Variants in CALN1 observed in about 807,000 individuals in gnomAD.
CALN1 encodes calneuron 1.
Under a neutral mutation model 30.6 loss-of-function variants are expected in CALN1, and 17 were observed. The observed-to-expected ratio is 0.56, with a 90% CI of 0.38 to 0.83. The LOEUF (loss-of-function observed/expected upper bound fraction) is 0.83, where lower values mean the gene tolerates loss of function less well. CALN1 is among the 40% of genes least tolerant of loss of function. The pLI is 0.00. For missense variants in CALN1, 291 were observed against 354.9 expected (o/e 0.82, Z 1.45); for synonymous variants, 156 against 131.4 (o/e 1.19, Z -1.28).
chr7:72,112,478 A>G (rs971256482), intron 3 of CALN1, among the ~76,000 whole-genome samples: 2 of 152,192 alleles, frequency 1.3e-5, no homozygotes, highest in African/African-American at 4.8e-5. Context: ...AGACACTGCA[A>G]AACTGGAGAA....
chr7:72,345,413 G>GAGAAAGAAAGGAA (rs10681683), intron 2 of CALN1, among the ~76,000 whole-genome samples: 1 of 143,948 alleles, frequency 6.9e-6, no homozygotes, highest in Admixed American at 7.4e-5. Flanking sequence ...AAAGAAAGAA[G>GAGAAAGAAAGGAA]AGAAAGGAAA....
intron 2 of CALN1, among the ~76,000 whole-genome samples, chr7:72,397,500 A>G (rs965150828): frequency 6.6e-6 from 1 of 152,170 alleles, no homozygotes; most frequent in African/African-American, 2.4e-5. Context: ...ATAAGAATGA[A>G]TAAGCTGCTA....
intron 5 of CALN1, among the ~76,000 whole-genome samples, chr7:71,861,844 CT>C (rs1251254741): frequency 6.7e-6 from 1 of 148,688 alleles, no homozygotes; most frequent in African/African-American, 2.5e-5. Context: ...GGGTTTCCTG[CT>C]TTAAGGACTT....
chr7:72,235,736 T>C (rs967543727), intron 3 of CALN1, among the ~76,000 whole-genome samples: 1 of 151,144 alleles, frequency 6.6e-6, no homozygotes, highest in Non-Finnish European at 1.5e-5. Flanking sequence ...ATGTTGTTAT[T>C]AAGCCTGTCA....
At chr7:72,005,394 T>C (rs922767146) in intron 5 of CALN1, among the ~76,000 whole-genome samples, 9 of 152,166 alleles carry the variant, frequency 5.9e-5, no homozygotes, top group African/African-American at 1.7e-4. Flanking sequence ...AGTGGCGTGA[T>C]CACGGCTCAC....
At chr7:72,226,558 T>C (rs1793692283) in intron 3 of CALN1, among the ~76,000 whole-genome samples, 2 of 152,220 alleles carry the variant, frequency 1.3e-5, no homozygotes, top group Non-Finnish European at 2.9e-5. Flanking sequence ...GAAGGTCAGC[T>C]TTCGCTATCC....
chr7:72,299,688 TC>T (rs1799118799), intron 2 of CALN1, among the ~76,000 whole-genome samples: 1 of 118,288 alleles, frequency 8.5e-6, no homozygotes, highest in Non-Finnish European at 1.6e-5. Context: ...GATGCTCTTA[TC>T]TTTTTTTTTT....
At chr7:72,013,088 G>GT (rs1037708128) in intron 5 of CALN1, among the ~76,000 whole-genome samples, 1 of 151,996 alleles carries the variant, frequency 6.6e-6, no homozygotes, top group Non-Finnish European at 1.5e-5. Flanking sequence ...ATGAGCCACT[G>GT]TACCCGGCCG....
intron 5 of CALN1, among the ~76,000 whole-genome samples, chr7:72,001,225 G>C (rs1799513438): frequency 6.6e-6 from 1 of 151,666 alleles, no homozygotes; most frequent in Admixed American, 6.6e-5. Context: ...CTAAGTAACA[G>C]TAATTGGTTG....
chr7:72,239,755 C>A (rs1027615918), intron 3 of CALN1, among the ~76,000 whole-genome samples: 2 of 152,136 alleles, frequency 1.3e-5, no homozygotes, highest in Admixed American at 1.3e-4. Context: ...GTAGCTCCTA[C>A]ATGTGCCCTC....
intron 2 of CALN1, among the ~76,000 whole-genome samples, chr7:72,327,883 C>A (rs1291994814): frequency 6.6e-6 from 1 of 152,120 alleles, no homozygotes; most frequent in Non-Finnish European, 1.5e-5. Context: ...AAAAAAAGGT[C>A]ATCTTGGTTT....
At chr7:72,156,555 G>A (rs1787694871) in intron 3 of CALN1, among the ~76,000 whole-genome samples, 1 of 152,184 alleles carries the variant, frequency 6.6e-6, no homozygotes, top group Admixed American at 6.5e-5. Flanking sequence ...CTGGAAGCCA[G>A]CACAGAGCCA....
chr7:71,932,740 C>T lies in CALN1; in HGVS notation c.501+90917G>A, dbSNP rs539449356. ...CTGAGGCAGGAGAATGGCATGAACCCGGGAGGCGGAGCTTACAGTGAGCCG... is the reference window on the plus strand; with the variant it reads ...CTGAGGCAGGAGAATGGCATGAACCTGGGAGGCGGAGCTTACAGTGAGCCG... On this transcript the variant is annotated intron_variant, in intron 5 of 6. Transcript: ENST00000395275. Among the ~76,000 whole-genome samples the T allele has an allele frequency of 5.0e-3, 747 of 148,044 alleles. 1 individual carries two copies. The highest frequency in any genetic ancestry group is 8.4e-3 in the Non-Finnish European group (570 of 67,546).
intron 2 of CALN1, among the ~76,000 whole-genome samples, chr7:72,335,406 CGT>C (rs1396093456): frequency 6.6e-6 from 1 of 152,208 alleles, no homozygotes; most frequent in Non-Finnish European, 1.5e-5. Flanking sequence ...ACGAATGTTG[CGT>C]GTGTCTCAAC....
intron 5 of CALN1, among the ~76,000 whole-genome samples, chr7:71,842,768 T>C (rs1790009048): frequency 6.6e-6 from 1 of 152,194 alleles, no homozygotes; most frequent in African/African-American, 2.4e-5. Flanking sequence ...AGTACTTCCA[T>C]AAGTAATTAT....
chr7:72,181,369 C>T (rs1789793951), intron 3 of CALN1, among the ~76,000 whole-genome samples: 1 of 151,434 alleles, frequency 6.6e-6, no homozygotes, highest in South Asian at 2.1e-4. Context: ...TTTTTTACTG[C>T]TTAAATCATT....
At chr7:72,300,420 A>C (rs973557771) in intron 2 of CALN1, among the ~76,000 whole-genome samples, 7 of 151,680 alleles carry the variant, frequency 4.6e-5, no homozygotes, top group Non-Finnish European at 1.0e-4. Flanking sequence ...AACAACAACA[A>C]AAAAGATAAA....
chr7:72,439,440 T>A (rs1035886546), intron 1 of CALN1, among the ~76,000 whole-genome samples: 1 of 152,216 alleles, frequency 6.6e-6, no homozygotes, highest in Non-Finnish European at 1.5e-5. Context: ...GTGTGTTACA[T>A]GTAATATATT....
At chr7:72,345,648 G>C (rs1454685360) in intron 2 of CALN1, among the ~76,000 whole-genome samples, 1 of 152,018 alleles carries the variant, frequency 6.6e-6, no homozygotes, top group Non-Finnish European at 1.5e-5. Flanking sequence ...GGAAATTGGA[G>C]TCTATAACCT....
Sources: allele counts gnomAD v4.1 joint callset (sites outside exome capture counted in the v4.1 genomes callset), GRCh38; gene constraint gnomAD v4.1.1; transcripts MANE v1.5; gene names NCBI Gene and HGNC (gene_info 2026-07-23, HGNC 2026-07-21).